The following OLFM3 variants were observed in gnomAD, a reference collection of about 807,000 sequenced individuals.
The protein encoded by OLFM3 is olfactomedin 3.
A neutral mutation model predicts 48.6 loss-of-function variants in OLFM3; 20 were observed. The observed-to-expected ratio is 0.41, with a 90% CI of 0.29 to 0.60. The LOEUF (loss-of-function observed/expected upper bound fraction) is 0.60. Ranked by LOEUF, OLFM3 falls within the 20% of genes least tolerant of loss-of-function variation. The pLI, the probability that OLFM3 is intolerant of heterozygous loss-of-function variation, is 0.28. For synonymous variants in OLFM3, 222 were observed against 198.1 expected (o/e 1.12, Z -1.01); for missense variants, 437 against 544.3 (o/e 0.80, Z 1.96).
At chr1:101,863,428 C>A (rs937048353) in intron 1 of OLFM3, among the ~76,000 whole-genome samples, 3 of 152,182 alleles carry the variant, frequency 2.0e-5, no homozygotes, top group African/African-American at 7.2e-5. Context: ...GCTACTTCAA[C>A]TTGTATGTTT....
intron 1 of OLFM3, among the ~76,000 whole-genome samples, chr1:101,854,358 T>A (rs1005662524): frequency 1.3e-5 from 2 of 151,950 alleles, no homozygotes; most frequent in South Asian, 2.1e-4. Flanking sequence ...ATGAAAAACA[T>A]TTGCAAAGTT....
chr1:101,865,894 C>T (rs906325508), intron 1 of OLFM3, among the ~76,000 whole-genome samples: 2 of 152,172 alleles, frequency 1.3e-5, no homozygotes, highest in Admixed American at 1.3e-4. Flanking sequence ...TGAATTTACA[C>T]AGCATAGCTA....
chr1:101,861,278 T>C (rs931945701), intron 1 of OLFM3, among the ~76,000 whole-genome samples: 1 of 150,822 alleles, frequency 6.6e-6, no homozygotes, highest in Non-Finnish European at 1.5e-5. Flanking sequence ...GCCAGGCTGG[T>C]ATGGAACTCC....
chr1:101,990,103 C>T (rs541147299), intron 1 of OLFM3, among the ~76,000 whole-genome samples: 1 of 152,238 alleles, frequency 6.6e-6, no homozygotes, highest in African/African-American at 2.4e-5. Context: ...TTTCTTGATG[C>T]AGTTGGGCTT....
In OLFM3 at chr1:101,862,142, G is replaced by T. The variant is rs568937424; in HGVS notation, c.70-25117C>A. ...AAACTCCAAAGTTAAGACACATGTT[G>T]AATATTGTATCTGAAAAACCCTTAT... is the stretch of plus-strand genomic sequence containing the variant. On this transcript the variant is annotated intron_variant, in intron 1 of 5. Coordinates refer to ENST00000370103, the MANE Select transcript of OLFM3 (RefSeq NM_058170.4). Among the ~76,000 whole-genome samples, 16 of 152,280 alleles carry T rather than the reference G, an allele frequency of 1.1e-4. No individual in the cohort carries two copies. In the South Asian group the frequency reaches 2.9e-3, roughly 28 times the overall value.
intron 1 of OLFM3, among the ~76,000 whole-genome samples, chr1:101,853,950 G>A (rs577342693): frequency 6.6e-6 from 1 of 151,908 alleles, no homozygotes; most frequent in Non-Finnish European, 1.5e-5. Flanking sequence ...TAAGCTTCAC[G>A]GGTCACTGGA....
intron 1 of OLFM3, 23 bp downstream of exon 1, chr1:101,996,725 A>G: frequency 6.2e-7 from 1 of 1,612,552 alleles, no homozygotes; most frequent in Non-Finnish European, 8.5e-7. Context: ...TATTTCAAAC[A>G]AGACTCAAAA....
intron 1 of OLFM3, among the ~76,000 whole-genome samples, chr1:101,933,738 G>T (rs570547397): frequency 6.6e-6 from 1 of 152,128 alleles, no homozygotes; most frequent in Non-Finnish European, 1.5e-5. Context: ...CCTACAAAGG[G>T]AACCCCATCA....
At chr1:101,830,359 C>A (rs772816691) in intron 3 of OLFM3, among the ~76,000 whole-genome samples, 1 of 152,152 alleles carries the variant, frequency 6.6e-6, no homozygotes, top group African/African-American at 2.4e-5. Flanking sequence ...CTACATCTTT[C>A]TTCATATTAG....
chr1:101,957,174 T>G (rs1660323093), intron 1 of OLFM3, among the ~76,000 whole-genome samples: 1 of 151,994 alleles, frequency 6.6e-6, no homozygotes, highest in Non-Finnish European at 1.5e-5. Context: ...AGCTATGGTT[T>G]TAAAGACATC....
intron 1 of OLFM3, among the ~76,000 whole-genome samples, chr1:101,862,478 A>G (rs1656696651): frequency 6.6e-6 from 1 of 152,214 alleles, no homozygotes; most frequent in East Asian, 1.9e-4. Flanking sequence ...CTGTACTTTC[A>G]CAAATAAATA....
At chr1:101,921,939 G>C (rs1362541873) in intron 1 of OLFM3, among the ~76,000 whole-genome samples, 1 of 152,012 alleles carries the variant, frequency 6.6e-6, no homozygotes, top group Non-Finnish European at 1.5e-5. Flanking sequence ...GGTGCCTGTA[G>C]TCCCAGCTAC....
intron 4 of OLFM3, among the ~76,000 whole-genome samples, chr1:101,818,632 G>A (rs947398949): frequency 5.9e-5 from 9 of 152,062 alleles, no homozygotes; most frequent in South Asian, 2.1e-4. Context: ...GAGATCTTTC[G>A]TGTCTCTTGC....
At chr1:101,910,434 C>G (rs1658719978) in intron 1 of OLFM3, among the ~76,000 whole-genome samples, 1 of 151,034 alleles carries the variant, frequency 6.6e-6, no homozygotes, top group South Asian at 2.1e-4. Flanking sequence ...CCACTGCACT[C>G]CAGCCTGGGC....
intron 1 of OLFM3, among the ~76,000 whole-genome samples, chr1:101,996,545 C>G (rs994703576): frequency 6.6e-6 from 1 of 152,138 alleles, no homozygotes; most frequent in Non-Finnish European, 1.5e-5. Flanking sequence ...TCCCTCCCCC[C>G]GCGCAGTAGG....
At chr1:101,943,088 A>G (rs1659843486) in intron 1 of OLFM3, among the ~76,000 whole-genome samples, 2 of 152,334 alleles carry the variant, frequency 1.3e-5, no homozygotes, top group South Asian at 4.1e-4. Context: ...TGGCTAGGGT[A>G]TAGCCTCTAG....
chr1:101,879,237 T>G (rs1657422526), intron 1 of OLFM3, among the ~76,000 whole-genome samples: 3 of 151,866 alleles, frequency 2.0e-5, no homozygotes, highest in Admixed American at 1.3e-4. Context: ...ACTACATTTT[T>G]TTCTTTTGAT....
intron 1 of OLFM3, among the ~76,000 whole-genome samples, chr1:101,905,227 CTG>C (rs763959652): frequency 1.3e-5 from 2 of 152,112 alleles, no homozygotes; most frequent in Non-Finnish European, 2.9e-5. Context: ...TCTAATGTAA[CTG>C]TGCAAGAAAA....
intron 1 of OLFM3, among the ~76,000 whole-genome samples, chr1:101,980,331 C>T (rs1296959357): frequency 6.6e-6 from 1 of 152,078 alleles, no homozygotes; most frequent in South Asian, 2.1e-4. Flanking sequence ...GCTCTGTCTG[C>T]ACTAAAATCT....
Sources: gnomAD v4.1 joint callset for allele counts (sites outside exome capture counted in the v4.1 genomes callset) on GRCh38, gnomAD v4.1.1 for gene constraint, MANE v1.5 for transcripts, NCBI Gene and HGNC (gene_info 2026-07-23, HGNC 2026-07-21) for gene names.